The following CNIH3 variants were observed in gnomAD, a reference collection of about 807,000 sequenced individuals.
CNIH3 encodes cornichon family AMPA receptor auxiliary protein 3.
CNIH3 carries 14 observed loss-of-function variants against 24.1 expected under a neutral mutation model. The ratio of observed to expected loss-of-function variants is 0.58; its 90% CI spans 0.38 to 0.91. The LOEUF (loss-of-function observed/expected upper bound fraction) is 0.91. Among genes scored for constraint, CNIH3 ranks in the 40% least tolerant of loss-of-function variants. The pLI is 0.00. For synonymous variants in CNIH3, 68 were observed against 73.8 expected, an observed-to-expected ratio of 0.92 and a Z score of 0.40; for missense variants, 178 against 196.8, an observed-to-expected ratio of 0.90 and a Z score of 0.57.
intron 1 of CNIH3, among the ~76,000 whole-genome samples, chr1:224,650,540 T>C (rs1278547959): frequency 1.3e-5 from 2 of 151,806 alleles, no homozygotes; most frequent in African/African-American, 2.4e-5. Flanking sequence ...GCTGACCTTG[T>C]GTTTAGTTCT....
chr1:224,503,774 C>T (rs565598538), intron 1 of CNIH3, among the ~76,000 whole-genome samples: 2 of 152,354 alleles, frequency 1.3e-5, no homozygotes, highest in East Asian at 3.9e-4. Flanking sequence ...CCGACCCAGC[C>T]CTCTGGCAGG....
At chr1:224,469,054 A>T (rs1676262946) in intron 1 of CNIH3, among the ~76,000 whole-genome samples, 1 of 151,822 alleles carries the variant, frequency 6.6e-6, no homozygotes, top group Non-Finnish European at 1.5e-5. Flanking sequence ...TTCTATATCA[A>T]TATGGTCATA....
intron 2 of CNIH3, among the ~76,000 whole-genome samples, chr1:224,682,703 C>T (rs569653794): frequency 1.3e-5 from 2 of 152,220 alleles, no homozygotes; most frequent in African/African-American, 4.8e-5. Flanking sequence ...ACATTACACG[C>T]CTGGCCTGTC....
At chr1:224,599,731 T>A (rs1682131378) in intron 3 of CNIH3, among the ~76,000 whole-genome samples, 1 of 152,202 alleles carries the variant, frequency 6.6e-6, no homozygotes, top group Non-Finnish European at 1.5e-5. Flanking sequence ...TATTGATTGT[T>A]GAATTAAATG....
At chr1:224,551,619 C>T (rs988306647) in intron 3 of CNIH3, among the ~76,000 whole-genome samples, 18 of 152,048 alleles carry the variant, frequency 1.2e-4, no homozygotes, top group Non-Finnish European at 1.9e-4. Context: ...AGTGTGTAAA[C>T]ACTAGATATT....
chr1:224,481,098 A>G (rs905413131), intron 1 of CNIH3, among the ~76,000 whole-genome samples: 1 of 152,258 alleles, frequency 6.6e-6, no homozygotes, highest in Non-Finnish European at 1.5e-5. Context: ...AGCAAGTCAC[A>G]TCTTACATGG....
chr1:224,632,321 A>G (rs1334060085), intron 1 of CNIH3, among the ~76,000 whole-genome samples: 3 of 152,076 alleles, frequency 2.0e-5, no homozygotes, highest in Admixed American at 2.0e-4. Flanking sequence ...AAGAGAACAC[A>G]TTGTGTCAAT....
chr1:224,519,415 C>G (rs186250310), intron 1 of CNIH3, among the ~76,000 whole-genome samples: 56 of 152,030 alleles, frequency 3.7e-4, no homozygotes, highest in African/African-American at 1.3e-3. Context: ...ACACCACCAG[C>G]CTTCCTGAGT....
At chr1:224,691,714 G>A (rs566209191) in intron 3 of CNIH3, among the ~76,000 whole-genome samples, 1 of 152,350 alleles carries the variant, frequency 6.6e-6, no homozygotes, top group Non-Finnish European at 1.5e-5. Context: ...GATGTAAAAA[G>A]CTGTAGTGGA....
intron 3 of CNIH3, among the ~76,000 whole-genome samples, chr1:224,602,224 A>C (rs1274749466): frequency 1.3e-5 from 2 of 152,256 alleles, no homozygotes; most frequent in Non-Finnish European, 2.9e-5. Context: ...TTTTCCAACA[A>C]GTGGGACCAT....
intron 1 of CNIH3, among the ~76,000 whole-genome samples, chr1:224,629,134 G>A (rs1442784856): frequency 6.6e-6 from 1 of 151,862 alleles, no homozygotes; most frequent in African/African-American, 2.4e-5. Context: ...AGCCTCCTGA[G>A]TAGCTGGGAT....
intron 1 of CNIH3, among the ~76,000 whole-genome samples, chr1:224,490,043 A>T (rs187932131): frequency 2.6e-4 from 39 of 152,346 alleles, no homozygotes; most frequent in African/African-American, 8.7e-4. Context: ...AGGGACAAGT[A>T]AGCAAGTTAC....
intron 1 of CNIH3, among the ~76,000 whole-genome samples, chr1:224,453,376 C>T (rs558388818): frequency 1.1e-4 from 17 of 151,334 alleles, no homozygotes; most frequent in Admixed American, 7.9e-4. Context: ...TTTGTAGAAA[C>T]GGTTTCTCAC....
At chr1:224,651,803 C>G (rs1684871637) in intron 1 of CNIH3, among the ~76,000 whole-genome samples, 1 of 152,198 alleles carries the variant, frequency 6.6e-6, no homozygotes, top group African/African-American at 2.4e-5. Context: ...GGCATATATT[C>G]TTACCTAGTG....
intron 4 of CNIH3, among the ~76,000 whole-genome samples, chr1:224,568,304 CAAACAAAA>C (rs1327728928): frequency 2.9e-5 from 4 of 137,116 alleles, no homozygotes; most frequent in East Asian, 4.7e-4. Flanking sequence ...AACAAGCAAA[CAAACAAAA>C]AAAATTTATA....
At chr1:224,556,959 C>G (rs750365452) in intron 3 of CNIH3, among the ~76,000 whole-genome samples, 1 of 152,182 alleles carries the variant, frequency 6.6e-6, no homozygotes, top group Non-Finnish European at 1.5e-5. Flanking sequence ...CTACAAGGAG[C>G]ACATTTCAGG....
In CNIH3 at chr1:224,568,686, T is replaced by C. The variant is rs370580942; in HGVS notation, n.516+2422T>C. 2.1e-4 allele frequency among the ~76,000 whole-genome samples: 32 copies of C among 151,938 alleles called. 1 individual carries two copies. In the South Asian group the frequency reaches 6.7e-3, roughly 32 times the overall value. ...GGAGGATTGCTTGAGCCCAGGGGCT[T>C]GGGGCCGTAGTGAACCTTGATCACG... is the stretch of plus-strand genomic sequence containing the variant. On this transcript the variant is annotated intron_variant and non_coding_transcript_variant, in intron 4 of 5. Transcript: ENST00000471578.
intron 1 of CNIH3, among the ~76,000 whole-genome samples, chr1:224,497,937 G>A (rs1320941293): frequency 6.6e-6 from 1 of 152,132 alleles, no homozygotes; most frequent in Non-Finnish European, 1.5e-5. Context: ...TTTCCAAAGT[G>A]AGCTCATCAC....
At chr1:224,681,130 G>A (rs1287109549) in intron 2 of CNIH3, 104 bp downstream of exon 2, 1 of 971,522 alleles carries the variant, frequency 1.0e-6, no homozygotes, top group Admixed American at 1.8e-5. Flanking sequence ...TAAAGAACAT[G>A]CTCGCCCTCA....
Sources: allele counts gnomAD v4.1 joint callset (sites outside exome capture counted in the v4.1 genomes callset), GRCh38; gene constraint gnomAD v4.1.1; transcripts MANE v1.5; gene names NCBI Gene and HGNC (gene_info 2026-07-23, HGNC 2026-07-21).